RAB1A: variants seen among roughly 807,000 people sequenced by gnomAD.
The protein encoded by RAB1A is ras-related protein Rab-1A.
RAB1A carries 2 observed loss-of-function variants against 26.0 expected under a neutral mutation model. The observed-to-expected ratio is 0.08, with a 90% confidence interval of 0.03 to 0.24. RAB1A has a LOEUF of 0.24. Ranked by LOEUF, RAB1A falls within the 10% of genes least tolerant of loss-of-function variation. The pLI is 1.00. For synonymous variants in RAB1A, 84 were observed against 84.9 expected, an observed-to-expected ratio of 0.99 and a Z score of 0.06; for missense variants, 100 against 247.0, an observed-to-expected ratio of 0.40 and a Z score of 3.99.
chr2:65,092,275 A>G (rs537315149), intron 3 of RAB1A, among the ~76,000 whole-genome samples: 32 of 144,258 alleles, frequency 2.2e-4, no homozygotes, highest in African/African-American at 3.8e-4. Context: ...AAAAAAAGAG[A>G]AAAAAAAAAA....
intron 2 of RAB1A, among the ~76,000 whole-genome samples, chr2:65,104,459 G>T (rs1408291049): frequency 6.6e-6 from 1 of 152,032 alleles, no homozygotes; most frequent in Admixed American, 6.6e-5. Flanking sequence ...CCTTTAACTT[G>T]CTGCCTATAT....
intron 2 of RAB1A, among the ~76,000 whole-genome samples, chr2:65,103,521 G>T (rs1012538329): frequency 6.6e-6 from 1 of 152,132 alleles, no homozygotes; most frequent in Non-Finnish European, 1.5e-5. Flanking sequence ...GCGCTGCCTT[G>T]ATGTGTACCA....
chr2:65,088,431 T>G lies in RAB1A; in HGVS notation c.*62A>C. 7.1e-7 allele frequency: 1 copy of G among 1,409,112 alleles called. No individual in the cohort carries two copies. The highest frequency in any genetic ancestry group is 9.6e-7 in the Non-Finnish European group (1 of 1,042,544). 87.3% of individuals were successfully genotyped at this position (1,409,112 alleles called of 1,614,324 possible). A position where few individuals can be genotyped will look rare whatever the true frequency, so the allele number is the denominator to read the frequency against. On this transcript the variant is annotated 3_prime_UTR_variant, in exon 6 of 6. Transcript: ENST00000409784. The stretch of plus-strand genomic sequence containing the variant: ...ACATACAGTACAATTCAGGCAATTT[T>G]GTTTTTTCACTTGGGTTCAGATTGC...
intron 2 of RAB1A, among the ~76,000 whole-genome samples, chr2:65,098,926 CCCGGGGTCCAAGCAAT>C (rs1187270983): frequency 6.1e-5 from 9 of 146,402 alleles, no homozygotes; most frequent in Non-Finnish European, 1.3e-4. Context: ...ACCTCTGTCT[CCCGGGGTCCAAGCAAT>C]CCTCATGACT....
chr2:65,127,088 G>C lies in RAB1A; in HGVS notation c.23+2805C>G, dbSNP rs546158320. 2.6e-5 allele frequency among the ~76,000 whole-genome samples: 4 copies of C among 152,290 alleles called. No individual in the cohort carries two copies. In the South Asian group the frequency reaches 8.3e-4, roughly 32 times the overall value. On this transcript the variant is annotated intron_variant, in intron 1 of 5. Coordinates refer to ENST00000409784, the MANE Select transcript of RAB1A (RefSeq NM_004161.5). ...TCTAGAATACAAATATAGTAGGCCAGATACCCATGTATTTGATCCCAGAAA... is the reference window on the plus strand; with the variant it reads ...TCTAGAATACAAATATAGTAGGCCACATACCCATGTATTTGATCCCAGAAA...
chr2:65,096,211 A>T (rs1256870741), intron 3 of RAB1A, among the ~76,000 whole-genome samples: 2 of 151,964 alleles, frequency 1.3e-5, no homozygotes, highest in African/African-American at 4.8e-5. Flanking sequence ...GCTATTAGGG[A>T]GGCTAAGGCA....
At chr2:65,118,396 A>C (rs1443554123) in intron 1 of RAB1A, among the ~76,000 whole-genome samples, 2 of 152,184 alleles carry the variant, frequency 1.3e-5, no homozygotes, top group African/African-American at 4.8e-5. Flanking sequence ...TAAAATAAAC[A>C]ACAAAAATTT....
intron 2 of RAB1A, among the ~76,000 whole-genome samples, chr2:65,103,882 G>A (rs910798144): frequency 6.6e-6 from 1 of 151,922 alleles, no homozygotes; most frequent in Non-Finnish European, 1.5e-5. Flanking sequence ...GGGTTCAAGC[G>A]ATTCTCCTGC....
intron 1 of RAB1A, among the ~76,000 whole-genome samples, chr2:65,111,287 C>T (rs1366557911): frequency 6.6e-6 from 1 of 151,294 alleles, no homozygotes; most frequent in African/African-American, 2.4e-5. Context: ...ACTTGAACCC[C>T]GGAGGTGGAG....
intron 1 of RAB1A, among the ~76,000 whole-genome samples, chr2:65,119,672 A>G (rs187637333): frequency 4.6e-5 from 7 of 151,672 alleles, no homozygotes; most frequent in Non-Finnish European, 1.0e-4. Context: ...GAAAAGTGTG[A>G]TTCACTGCTT....
In RAB1A at chr2:65,088,708, C is replaced by A. The variant is rs765755195; in HGVS notation, c.421-18G>T. ...GCAAATTCCTAAGAGAATAATGAGG[C>A]ACAATTAACACTGAAAAATCTTTTT... On this transcript the variant is annotated intron_variant, in intron 5 of 5. Transcript: ENST00000409784. The A allele has an allele frequency of 2.7e-5, 42 of 1,563,572 alleles. No individual in the cohort carries two copies. The highest frequency in any genetic ancestry group is 3.7e-5 in the Non-Finnish European group (42 of 1,149,140).
At chr2:65,125,413 G>A (rs1670074151) in intron 1 of RAB1A, among the ~76,000 whole-genome samples, 1 of 148,230 alleles carries the variant, frequency 6.7e-6, no homozygotes, top group African/African-American at 2.5e-5. Context: ...ATAATGTTAA[G>A]TATTTCTTTC....
At chr2:65,100,294 G>A (rs920019211) in intron 2 of RAB1A, among the ~76,000 whole-genome samples, 4 of 151,422 alleles carry the variant, frequency 2.6e-5, no homozygotes, top group South Asian at 2.1e-4. Context: ...CCAGCTACCC[G>A]GGAGGCTGAG....
intron 2 of RAB1A, among the ~76,000 whole-genome samples, chr2:65,101,741 C>CTTTTTTT (rs1558579506): frequency 4.6e-5 from 6 of 129,950 alleles, no homozygotes; most frequent in Non-Finnish European, 9.6e-5. Context: ...TGTATTACTT[C>CTTTTTTT]CTTTTTTTTT....
At chr2:65,107,568 C>T (rs532519430) in intron 1 of RAB1A, among the ~76,000 whole-genome samples, 4 of 152,076 alleles carry the variant, frequency 2.6e-5, no homozygotes, top group African/African-American at 9.6e-5. Context: ...TTCACTGCAA[C>T]CTCTGCCTCC....
Position 65,103,591 on chromosome 2 carries a change from C to T in RAB1A, c.96+1143G>A, listed in dbSNP as rs536183264. Among the ~76,000 whole-genome samples, 12 of 152,142 alleles carry T rather than the reference C, an allele frequency of 7.9e-5. No homozygotes were observed. In the South Asian group the frequency reaches 2.3e-3, roughly 29 times the overall value. On this transcript the variant is annotated intron_variant, in intron 2 of 5. Transcript: ENST00000409784. ...CAGAGCCAATGTCATCACTGAAAAA[C>T]GCAAACATCTTTTATATTAGTATTA...
In RAB1A at chr2:65,129,906, T is replaced by G; in HGVS notation, c.10A>C (p.Met4Leu). MSSMNPEYDYLFKL... is the reference protein window; with the variant it reads MSSLNPEYDYLFKL... ...TCCTGAACTCACTATTCGGGATTCA[T>G]GCTGGACATGTCACTGCAGCTGCCG... The change falls in exon 1 of 6, where the codon ATG becomes CTG. Residue 4 changes from methionine to leucine, a missense_variant. Physicochemically the swap from Met to Leu is conservative, Grantham distance 15. This residue lies in a region of RAB1A where 33 missense variants were observed against 124.2 expected (regional missense o/e 0.27). Transcript: ENST00000409784. 6.3e-7 allele frequency: 1 copy of G among 1,595,540 alleles called. No homozygotes were observed. The highest frequency in any genetic ancestry group is 8.5e-7 in the Non-Finnish European group (1 of 1,172,218).
chr2:65,089,121 G>T, intron 4 of RAB1A, 51 bp from the exon 5 acceptor site: 4 of 1,490,722 alleles, frequency 2.7e-6, no homozygotes, highest in Non-Finnish European at 3.7e-6. Flanking sequence ...TATAGTTCTG[G>T]AATAAACAGA....
At chr2:65,103,406 G>A (rs187637206) in intron 2 of RAB1A, among the ~76,000 whole-genome samples, 2 of 150,710 alleles carry the variant, frequency 1.3e-5, no homozygotes, top group Admixed American at 6.6e-5. Flanking sequence ...CATTTTAACT[G>A]TTTTGTCAAG....
Sources: gnomAD v4.1 joint callset for allele counts (sites outside exome capture counted in the v4.1 genomes callset) on GRCh38, gnomAD v4.1.1 for gene constraint, gnomAD v4.1.1 regional missense constraint, MANE v1.5 for transcripts, NCBI Gene and HGNC (gene_info 2026-07-23, HGNC 2026-07-21) for gene names.